Variants in GABRA2 observed in about 807,000 individuals in gnomAD.
The protein encoded by GABRA2 is gamma-aminobutyric acid type A receptor subunit alpha2.
A neutral mutation model predicts 48.7 loss-of-function variants in GABRA2; 16 were observed. That is an observed-to-expected ratio of 0.33 (90% CI 0.22 to 0.50). The LOEUF (loss-of-function observed/expected upper bound fraction) is 0.50. Among genes scored for constraint, GABRA2 ranks in the 20% least tolerant of loss-of-function variants. The probability of loss-of-function intolerance (pLI) is 0.98; values close to 1 mark genes in which losing one functional copy is unlikely to be tolerated. For missense variants in GABRA2, 275 were observed against 535.6 expected (o/e 0.51, Z 4.80); for synonymous variants, 185 against 184.5 (o/e 1.00, Z -0.02).
chr4:46,251,298 G>C (rs1321133817), intron 9 of GABRA2, among the ~76,000 whole-genome samples: 4 of 151,384 alleles, frequency 2.6e-5, no homozygotes, highest in Non-Finnish European at 4.4e-5. Context: ...GACACATTAT[G>C]GCCACAGGGA....
intron 8 of GABRA2, among the ~76,000 whole-genome samples, chr4:46,287,313 A>C (rs1722741425): frequency 6.6e-6 from 1 of 151,986 alleles, no homozygotes; most frequent in East Asian, 1.9e-4. Context: ...TTACTTGGCT[A>C]TTCAGGCTCT....
chr4:46,297,998 T>C (rs1401199865), intron 8 of GABRA2, among the ~76,000 whole-genome samples: 1 of 152,130 alleles, frequency 6.6e-6, no homozygotes, highest in Non-Finnish European at 1.5e-5. Flanking sequence ...ATCCATTTGT[T>C]GTTTAAGAGT....
intron 3 of GABRA2, chr4:46,363,817 A>C (rs184836130): frequency 6.6e-6 from 1 of 152,192 alleles, no homozygotes; most frequent in Non-Finnish European, 1.5e-5. Flanking sequence ...TCATTTTGGA[A>C]TGTGTAGTTT....
intron 6 of GABRA2, 53 bp from the exon 7 acceptor site, chr4:46,305,764 T>C: frequency 2.3e-6 from 3 of 1,305,208 alleles, no homozygotes; most frequent in Non-Finnish European, 3.3e-6. Flanking sequence ...ACCATCAATC[T>C]AGTGCTACAC....
intron 8 of GABRA2, among the ~76,000 whole-genome samples, chr4:46,300,503 ATAAGTTC>A (rs1210244397): frequency 1.3e-5 from 2 of 152,012 alleles, no homozygotes; most frequent in Admixed American, 1.3e-4. Context: ...TTCTAGACTT[ATAAGTTC>A]TATCATCTTG....
intron 3 of GABRA2, among the ~76,000 whole-genome samples, chr4:46,369,714 A>T (rs1003613103): frequency 2.0e-5 from 3 of 152,108 alleles, no homozygotes; most frequent in African/African-American, 7.2e-5. Context: ...GGATAAATTA[A>T]CAGGCAGAGT....
chr4:46,269,845 T>G (rs1435709404), intron 8 of GABRA2, among the ~76,000 whole-genome samples: 2 of 151,962 alleles, frequency 1.3e-5, no homozygotes, highest in African/African-American at 2.4e-5. Flanking sequence ...GAGATTGTAT[T>G]ATATTCTTTT....
intron 8 of GABRA2, among the ~76,000 whole-genome samples, chr4:46,285,077 A>T (rs1171354656): frequency 6.6e-6 from 1 of 150,546 alleles, no homozygotes; most frequent in East Asian, 1.9e-4. Flanking sequence ...GAGGCTGGAC[A>T]GTTTTCAAGC....
chr4:46,247,724 T>C lies in GABRA2; in HGVS notation c.*2584A>G, dbSNP rs1460313679. Among the ~76,000 whole-genome samples the C allele has an allele frequency of 6.6e-6, 1 of 151,306 alleles. No homozygotes were observed. The highest frequency in any genetic ancestry group is 2.4e-5 in the African/African-American group (1 of 41,350). On this transcript the variant is annotated 3_prime_UTR_variant, in exon 10 of 10. Coordinates refer to ENST00000381620, the MANE Select transcript of GABRA2 (RefSeq NM_000807.4). ...GTGATAAATTAAAATCCTTTTAAATTTGTTTTTAAATTGGTTCATGGAAAG... is the reference window on the plus strand; with the variant it reads ...GTGATAAATTAAAATCCTTTTAAATCTGTTTTTAAATTGGTTCATGGAAAG...
chr4:46,256,555 A>T (rs1340629533), intron 9 of GABRA2, among the ~76,000 whole-genome samples: 1 of 151,494 alleles, frequency 6.6e-6, no homozygotes, highest in Non-Finnish European at 1.5e-5. Flanking sequence ...AAAGAAAAAT[A>T]ACTCTTCCCT....
At chr4:46,331,977 C>G (rs1415564489) in intron 4 of GABRA2, among the ~76,000 whole-genome samples, 1 of 152,152 alleles carries the variant, frequency 6.6e-6, no homozygotes, top group Non-Finnish European at 1.5e-5. Flanking sequence ...CCCACCTCAG[C>G]CTCCCAAATT....
chr4:46,382,611 A>T (rs1363617111), intron 3 of GABRA2, among the ~76,000 whole-genome samples: 1 of 152,104 alleles, frequency 6.6e-6, no homozygotes, highest in Admixed American at 6.6e-5. Flanking sequence ...TTTTAAAGGG[A>T]TCTATTATTA....
At chr4:46,330,158 G>A (rs1578073056) in intron 4 of GABRA2, among the ~76,000 whole-genome samples, 2 of 152,036 alleles carry the variant, frequency 1.3e-5, no homozygotes, top group African/African-American at 2.4e-5. Flanking sequence ...ACCTATATTG[G>A]TAGTGTGAGT....
rs77922892 is a variant in GABRA2 at position 46,359,457 on chromosome 4, G to A, written c.187+26617C>T. Among the ~76,000 whole-genome samples the A allele has an allele frequency of 8.5e-5, 13 of 152,100 alleles. No individual in the cohort carries two copies. The East Asian group carries it at 2.5e-3, about 29-fold the overall frequency. The stretch of plus-strand genomic sequence containing the variant: ...TAAAACTGTCAAGCCTAAGACGATG[G>A]ACAAGTACCATATCTTTCTTTACTC... On this transcript the variant is annotated intron_variant, in intron 3 of 9. Coordinates refer to ENST00000381620, the MANE Select transcript of GABRA2 (RefSeq NM_000807.4).
At chr4:46,282,296 C>T (rs934051173) in intron 8 of GABRA2, among the ~76,000 whole-genome samples, 1 of 152,078 alleles carries the variant, frequency 6.6e-6, no homozygotes, top group African/African-American at 2.4e-5. Context: ...GTATAACTAG[C>T]CAGGACGACT....
At chr4:46,343,780 G>A (rs1348702981) in intron 3 of GABRA2, among the ~76,000 whole-genome samples, 1 of 151,842 alleles carries the variant, frequency 6.6e-6, no homozygotes, top group Admixed American at 6.6e-5. Flanking sequence ...ACTTATAGCT[G>A]ACACATACAA....
At chr4:46,327,806 C>T (rs1209592964) in intron 4 of GABRA2, among the ~76,000 whole-genome samples, 7 of 151,980 alleles carry the variant, frequency 4.6e-5, no homozygotes, top group African/African-American at 1.7e-4. Context: ...TACCAGACTG[C>T]CTGCTTCTTA....
chr4:46,390,185 G>GCCCCCCCTCCCCCACCTC (rs1718074929), upstream of GABRA2: 1 of 87,956 alleles, frequency 1.1e-5, no homozygotes, highest in Admixed American at 1.2e-4. Context: ...GGAAGGCAGG[G>GCCCCCCCTCCCCCACCTC]CCCCCCCTCC....
At chr4:46,293,758 C>T (rs886802538) in intron 8 of GABRA2, among the ~76,000 whole-genome samples, 1 of 152,128 alleles carries the variant, frequency 6.6e-6, no homozygotes, top group Non-Finnish European at 1.5e-5. Flanking sequence ...AAAACAATAT[C>T]GCATCCCTGG....
Sources: allele counts gnomAD v4.1 joint callset (sites outside exome capture counted in the v4.1 genomes callset), GRCh38; gene constraint gnomAD v4.1.1; transcripts MANE v1.5; gene names NCBI Gene and HGNC (gene_info 2026-07-23, HGNC 2026-07-21).